The following GSE1 variants were observed in gnomAD, a reference collection of about 807,000 sequenced individuals.
GSE1 encodes genetic suppressor element 1.
A neutral mutation model predicts 112.6 loss-of-function variants in GSE1; 32 were observed. The observed-to-expected ratio is 0.28, with a 90% CI of 0.21 to 0.38. GSE1 has a LOEUF of 0.38. Ranked by LOEUF, GSE1 falls within the 10% of genes least tolerant of loss-of-function variation. The pLI is 1.00. For missense variants in GSE1, 2,348 were observed against 1,699.2 expected (o/e 1.38, Z -6.71); for synonymous variants, 1,115 against 735.6 (o/e 1.52, Z -8.35).
intron 1 of GSE1, among the ~76,000 whole-genome samples, chr16:85,181,520 C>A (rs370004999): frequency 8.1e-4 from 123 of 152,350 alleles, no homozygotes; most frequent in Non-Finnish European, 1.6e-3. Flanking sequence ...GCACAGGAGG[C>A]CGCCGTGCTC....
chr16:85,510,939 T>C (rs989079796), intron 2 of GSE1, among the ~76,000 whole-genome samples: 40 of 152,304 alleles, frequency 2.6e-4, no homozygotes, highest in African/African-American at 9.4e-4. Flanking sequence ...GACCACTCTG[T>C]CAAAAACTGG....
chr16:85,172,813 C>T (rs987106006), intron 1 of GSE1, among the ~76,000 whole-genome samples: 2 of 152,212 alleles, frequency 1.3e-5, no homozygotes, highest in African/African-American at 2.4e-5. Context: ...CTGATCCTGC[C>T]TCCCACCTGC....
intron 15 of GSE1, chr16:85,672,111 G>C (rs146057269): frequency 7.5e-5 from 25 of 333,478 alleles, no homozygotes; most frequent in African/African-American, 3.7e-4. Context: ...CGATTCTCCT[G>C]CCTCAGCCTC....
intron 2 of GSE1, among the ~76,000 whole-genome samples, chr16:85,420,314 A>T (rs2048806456): frequency 6.6e-6 from 1 of 151,964 alleles, no homozygotes; most frequent in East Asian, 1.9e-4. Flanking sequence ...CCCTGCGGAC[A>T]CCTTGATTTC....
intron 1 of GSE1, among the ~76,000 whole-genome samples, chr16:85,626,642 G>A (rs1356817034): frequency 1.4e-4 from 22 of 152,344 alleles, no homozygotes. Flanking sequence ...GCGGATTGGT[G>A]CTTGAACCGG....
intron 1 of GSE1, among the ~76,000 whole-genome samples, chr16:85,560,485 A>G (rs2045467388): frequency 6.6e-6 from 1 of 152,052 alleles, no homozygotes; most frequent in South Asian, 2.1e-4. Flanking sequence ...TCTTGCCGCC[A>G]TGGTTGTAGC....
At position 85,507,894 on chromosome 16, in the gene GSE1, C is replaced by G. The variant is rs183680282; in HGVS notation, c.2465-126020C>G. On this transcript the variant is annotated intron_variant, in intron 2 of 2. Transcript: ENST00000637419. ...TGCGTCATATTCATCAGAAGAGTTG[C>G]GAGCACACGCCTCGTGTGTTTCTAT... Among the ~76,000 whole-genome samples, 3 of 152,296 alleles carry G rather than the reference C, an allele frequency of 2.0e-5. No homozygotes were observed. In the East Asian group the frequency reaches 5.8e-4, roughly 29 times the overall value.
intron 1 of GSE1, among the ~76,000 whole-genome samples, chr16:85,172,488 G>T (rs139612463): frequency 0.012 from 1,799 of 152,326 alleles, 16 homozygotes; most frequent in South Asian, 0.028. Flanking sequence ...TGTTTATAAG[G>T]CGCCTGCCTT....
intron 1 of GSE1, among the ~76,000 whole-genome samples, chr16:85,602,942 T>C (rs138191801): frequency 0.01 from 1,591 of 152,346 alleles, 27 homozygotes; most frequent in African/African-American, 0.036. Flanking sequence ...TGGTGACCTC[T>C]GCAGGCCTTG....
intron 1 of GSE1, chr16:85,285,360 G>C (rs2044989088): frequency 6.6e-6 from 1 of 152,198 alleles, no homozygotes; most frequent in Admixed American, 6.5e-5. Flanking sequence ...TACACCAGCA[G>C]CAGGGTTACC....
rs555607201 is a variant in GSE1 at position 85,525,469 on chromosome 16, C to T, written c.2465-108445C>T. Among the ~76,000 whole-genome samples the T allele has an allele frequency of 2.6e-5, 4 of 152,338 alleles. No homozygotes were observed. The South Asian group carries it at 8.3e-4, about 32-fold the overall frequency. On this transcript the variant is annotated intron_variant, in intron 2 of 2. Transcript: ENST00000637419. Reference sequence around the variant, plus strand: ...GGTGGCCAGGCTGGCCCTAGGCTTCCTTGTTTCACAGTTTCCCTCCTACCC... The same window carrying T: ...GGTGGCCAGGCTGGCCCTAGGCTTCTTTGTTTCACAGTTTCCCTCCTACCC...
At chr16:85,665,788 C>G (rs2052800578) in intron 12 of GSE1, among the ~76,000 whole-genome samples, 188 bp from the exon 13 acceptor site, 1 of 152,214 alleles carries the variant, frequency 6.6e-6, no homozygotes, top group African/African-American at 2.4e-5. Flanking sequence ...GATGGACTTG[C>G]CACTAAACAC....
chr16:85,474,852 T>C (rs2050404598), intron 2 of GSE1, among the ~76,000 whole-genome samples: 1 of 152,050 alleles, frequency 6.6e-6, no homozygotes, highest in Admixed American at 6.5e-5. Flanking sequence ...GAATGTTGCT[T>C]TTCATACTTC....
At chr16:85,220,524 G>A (rs759354316) in intron 1 of GSE1, among the ~76,000 whole-genome samples, 1 of 152,238 alleles carries the variant, frequency 6.6e-6, no homozygotes, top group African/African-American at 2.4e-5. Context: ...TGGGGCAGCT[G>A]TGCCAAAAAT....
intron 1 of GSE1, among the ~76,000 whole-genome samples, chr16:85,309,897 C>T (rs1271267912): frequency 6.6e-6 from 1 of 152,214 alleles, no homozygotes; most frequent in Non-Finnish European, 1.5e-5. Flanking sequence ...GCCCCCTTGC[C>T]ACCCCCTCAC....
chr16:85,209,606 G>A (rs1309976004), intron 1 of GSE1, among the ~76,000 whole-genome samples: 1 of 152,132 alleles, frequency 6.6e-6, no homozygotes, highest in African/African-American at 2.4e-5. Flanking sequence ...CCGGCCTCCC[G>A]CGGCCAGCCC....
chr16:85,592,154 T>A (rs2047029266), intron 1 of GSE1: 1 of 152,088 alleles, frequency 6.6e-6, no homozygotes, highest in Admixed American at 6.6e-5. Context: ...TCGGGTTTTT[T>A]TGTTTGTTTG....
At chr16:85,659,484 G>A (rs2052251925) in intron 8 of GSE1, 1 of 152,226 alleles carries the variant, frequency 6.6e-6, no homozygotes, top group Non-Finnish European at 1.5e-5. Flanking sequence ...TACCCACTAG[G>A]TGTCCCAGCT....
At chr16:85,615,509 G>T (rs1213824700) in intron 1 of GSE1, among the ~76,000 whole-genome samples, 6 of 151,684 alleles carry the variant, frequency 4.0e-5, no homozygotes, top group Non-Finnish European at 8.8e-5. Flanking sequence ...TTGACGCTTG[G>T]AGTTTTCTTT....
Sources: allele counts gnomAD v4.1 joint callset (sites outside exome capture counted in the v4.1 genomes callset), GRCh38; gene constraint gnomAD v4.1.1; transcripts MANE v1.5; gene names NCBI Gene and HGNC (gene_info 2026-07-23, HGNC 2026-07-21).